The following CARMIL1 variants were observed in gnomAD, a reference collection of about 807,000 sequenced individuals.
CARMIL1 encodes F-actin-uncapping protein LRRC16A.
CARMIL1 carries 90 observed loss-of-function variants against 177.1 expected under a neutral mutation model. The observed-to-expected ratio is 0.51, with a 90% CI of 0.43 to 0.61. The LOEUF (loss-of-function observed/expected upper bound fraction) is 0.61. Ranked by LOEUF, CARMIL1 falls within the 20% of genes least tolerant of loss-of-function variation. The pLI is 0.00. For missense variants in CARMIL1, 1,380 were observed against 1,667.0 expected (o/e 0.83, Z 3.00); for synonymous variants, 577 against 606.2 (o/e 0.95, Z 0.71).
chr6:25,453,259 AC>A (rs200822641), intron 8 of CARMIL1, among the ~76,000 whole-genome samples: 82 of 152,000 alleles, frequency 5.4e-4, no homozygotes, highest in South Asian at 4.0e-3. Flanking sequence ...AAAAAAAAAA[AC>A]AAACATATTA....
At chr6:25,499,234 A>T (rs993611366) in intron 16 of CARMIL1, among the ~76,000 whole-genome samples, 2 of 152,202 alleles carry the variant, frequency 1.3e-5, no homozygotes, top group African/African-American at 4.8e-5. Context: ...AAAACAGGTA[A>T]TCGCCCCCAG....
chr6:25,503,612 T>A (rs1415332053), intron 17 of CARMIL1, among the ~76,000 whole-genome samples: 1 of 152,200 alleles, frequency 6.6e-6, no homozygotes, highest in Non-Finnish European at 1.5e-5. Context: ...AAGTTTAAAA[T>A]CATGAATATG....
intron 2 of CARMIL1, among the ~76,000 whole-genome samples, chr6:25,388,519 A>G (rs904331003): frequency 4.6e-5 from 7 of 152,198 alleles, no homozygotes; most frequent in Admixed American, 1.3e-4. Context: ...AGGCGCCACC[A>G]TGCCTGGCTA....
At chr6:25,294,861 C>G (rs1225993765) in intron 2 of CARMIL1, among the ~76,000 whole-genome samples, 1 of 152,152 alleles carries the variant, frequency 6.6e-6, no homozygotes, top group Admixed American at 6.5e-5. Flanking sequence ...TTGGCGAACA[C>G]CCTTGAACTG....
chr6:25,488,208 C>T (rs2150987706), intron 12 of CARMIL1, among the ~76,000 whole-genome samples: 1 of 152,256 alleles, frequency 6.6e-6, no homozygotes, highest in Non-Finnish European at 1.5e-5. Context: ...GATTAAAATC[C>T]TTTCTGTCCT....
In CARMIL1 at chr6:25,281,127, T is replaced by TGTGCGCGCGC. The variant is rs142017993; in HGVS notation, c.40+1293_40+1294insTGCGCGCGCG. On this transcript the variant is annotated intron_variant, in intron 1 of 36. Coordinates refer to ENST00000329474, the MANE Select transcript of CARMIL1 (RefSeq NM_017640.6). ...AATTATTCACAGACGCACGCGCGTGTGCGCGCGCGCACACACACACACACA... is the reference window on the plus strand; with the variant it reads ...AATTATTCACAGACGCACGCGCGTGTGTGCGCGCGCGCGCGCGCGCACACACACACACACA... Among the ~76,000 whole-genome samples the TGTGCGCGCGC allele has an allele frequency of 4.5e-4, 57 of 127,062 alleles. No individual in the cohort carries two copies. In the South Asian group the frequency reaches 6.3e-3, roughly 14 times the overall value. The allele number at this position is 127,062 out of a possible 152,430, so 83.4% of individuals were successfully genotyped here.
chr6:25,290,972 A>C (rs924221243), intron 2 of CARMIL1, among the ~76,000 whole-genome samples: 1 of 151,766 alleles, frequency 6.6e-6, no homozygotes, highest in Admixed American at 6.6e-5. Context: ...GCCTAATTAA[A>C]TTTTTTTATT....
chr6:25,604,850 C>T lies in CARMIL1; in HGVS notation c.3591C>T (p.Ser1197=). Residue 1197 remains serine, a synonymous_variant, in exon 34 of 37, where the codon AGC becomes AGT. Coordinates refer to ENST00000329474, the MANE Select transcript of CARMIL1 (RefSeq NM_017640.6). The part of the protein sequence containing the change: ...GNDAVSQDSS[S]PALSGVERSD... ...ATGCCGTATCCCAGGATTCTTCCAG[C>T]CCAGCTTTGAGCGGCGTAGAACGGT... 6.3e-7 allele frequency: 1 copy of T among 1,598,442 alleles called. No homozygotes were observed. The highest frequency in any genetic ancestry group is 1.7e-4 in the Middle Eastern group (1 of 6,054).
chr6:25,386,246 T>C (rs1353956223), intron 2 of CARMIL1, among the ~76,000 whole-genome samples: 1 of 152,048 alleles, frequency 6.6e-6, no homozygotes, highest in Non-Finnish European at 1.5e-5. Context: ...TTTATAATCT[T>C]TGTGTGTGTG....
chr6:25,452,002 C>CCCCCCCCA, intron 8 of CARMIL1: 3 of 258,928 alleles, frequency 1.2e-5, no homozygotes, highest in South Asian at 3.9e-5. Context: ...CCCTCCCCCC[C>CCCCCCCCA]CCAGAATACT....
intron 29 of CARMIL1, among the ~76,000 whole-genome samples, chr6:25,567,411 A>T (rs1811653459): frequency 6.6e-6 from 1 of 152,198 alleles, no homozygotes; most frequent in Admixed American, 6.5e-5. Context: ...AATGGCATGG[A>T]TTGTAGATGC....
intron 36 of CARMIL1, among the ~76,000 whole-genome samples, chr6:25,610,892 T>C (rs1013025731): frequency 1.8e-4 from 27 of 152,224 alleles, no homozygotes; most frequent in African/African-American, 6.5e-4. Flanking sequence ...TTCTGTCCTA[T>C]GTAATGTATA....
chr6:25,521,938 C>A (rs1806612851), intron 23 of CARMIL1, among the ~76,000 whole-genome samples: 1 of 152,156 alleles, frequency 6.6e-6, no homozygotes, highest in Non-Finnish European at 1.5e-5. Context: ...AACCCTTACC[C>A]CATAGGTAAC....
At chr6:25,353,729 C>T (rs551895076) in intron 2 of CARMIL1, among the ~76,000 whole-genome samples, 2 of 152,266 alleles carry the variant, frequency 1.3e-5, no homozygotes, top group South Asian at 2.1e-4. Flanking sequence ...CTTCAACATA[C>T]TTAGCATGGT....
chr6:25,425,298 A>T (rs7774567), intron 3 of CARMIL1, among the ~76,000 whole-genome samples: 2 of 152,244 alleles, frequency 1.3e-5, no homozygotes, highest in Admixed American at 1.3e-4. Context: ...AGTATACTTC[A>T]TGTTGTTTAA....
intron 12 of CARMIL1, among the ~76,000 whole-genome samples, chr6:25,485,024 G>C (rs1397920100): frequency 6.6e-6 from 1 of 152,078 alleles, no homozygotes; most frequent in African/African-American, 2.4e-5. Context: ...GACAGAGTGA[G>C]AACCTGTCTC....
At chr6:25,444,758 T>C (rs1006849491) in intron 5 of CARMIL1, among the ~76,000 whole-genome samples, 1 of 152,244 alleles carries the variant, frequency 6.6e-6, no homozygotes, top group African/African-American at 2.4e-5. Context: ...TACATTTTCT[T>C]AATCCAGTCT....
At chr6:25,334,665 T>C (rs1786028498) in intron 2 of CARMIL1, among the ~76,000 whole-genome samples, 1 of 152,210 alleles carries the variant, frequency 6.6e-6, no homozygotes, top group Non-Finnish European at 1.5e-5. Flanking sequence ...ATTTAGTCAT[T>C]TGCTGAGTTG....
At chr6:25,408,823 GAA>G (rs112760197) in intron 2 of CARMIL1, among the ~76,000 whole-genome samples, 13,815 of 112,884 alleles carry the variant, frequency 0.12, 1,126 homozygotes, top group East Asian at 0.35. Flanking sequence ...ACATAAAATA[GAA>G]AAAAAAAAAA....
Sources: gnomAD v4.1 joint callset for allele counts (sites outside exome capture counted in the v4.1 genomes callset) on GRCh38, gnomAD v4.1.1 for gene constraint, MANE v1.5 for transcripts, NCBI Gene and HGNC (gene_info 2026-07-23, HGNC 2026-07-21) for gene names.